The following LRRC27 variants were observed in gnomAD, a reference collection of about 807,000 sequenced individuals.
The protein encoded by LRRC27 is leucine rich repeat containing 27.
Under a neutral mutation model 55.0 loss-of-function variants are expected in LRRC27, and 57 were observed. That is an observed-to-expected ratio of 1.04 (90% confidence interval 0.84 to 1.29). The LOEUF is 1.29. LRRC27 is among the 50% of genes most tolerant of loss of function. The probability of loss-of-function intolerance (pLI) is 0.00; values close to 1 mark genes in which losing one functional copy is unlikely to be tolerated. For missense variants in LRRC27, 721 were observed against 651.5 expected (o/e 1.11, Z -1.16); for synonymous variants, 278 against 251.9 (o/e 1.10, Z -0.98).
rs751318398 is a variant in LRRC27 at position 132,348,246 on chromosome 10, C to G, written c.816C>G (p.His272Gln). 6.2e-7 allele frequency: 1 copy of G among 1,613,874 alleles called. No individual in the cohort carries two copies. Among genetic ancestry groups the G allele is most frequent in the African/African-American group, 1.3e-5 (1 of 74,878 alleles). ...FWKLRQEIVE[H>Q]VKADVLGDQL... ...AGCTGAGGCAGGAGATTGTTGAGCACGTGAAGGCAGACGTTCTGGGAGATC... is the reference window on the plus strand; with the variant it reads ...AGCTGAGGCAGGAGATTGTTGAGCAGGTGAAGGCAGACGTTCTGGGAGATC... Residue 272 changes from histidine to glutamine, a missense_variant, in exon 6 of 11, where the codon CAC becomes CAG. By Grantham distance (24) the His-to-Gln change is conservative (BLOSUM62 0). Transcript: ENST00000368614. The surrounding 1 kb of genome is among the most constrained non-coding windows in gnomAD (Gnocchi z 4.2).
At chr10:132,337,277 G>A in intron 2 of LRRC27, 1 of 1,225,108 alleles carries the variant, frequency 8.2e-7, no homozygotes. Flanking sequence ...CCATGTCAAA[G>A]GCTTTGGGAT....
In LRRC27 at chr10:132,364,486, C is replaced by CCCACAA. The variant is rs1564853678; in HGVS notation, c.1290-938_1290-937insCCACAA. On this transcript the variant is annotated intron_variant, in intron 9 of 10. Coordinates refer to ENST00000368614, the MANE Select transcript of LRRC27 (RefSeq NM_030626.3). Reference sequence around the variant, plus strand: ...CCACCCACACTTACACCCACCCACACTTACACCCACCCTTACATCTACCTC... The same window carrying CCCACAA: ...CCACCCACACTTACACCCACCCACACCCACAATTACACCCACCCTTACATCTACCTC... Among the ~76,000 whole-genome samples the CCCACAA allele has an allele frequency of 1.1e-3, 152 of 141,602 alleles. 23 individuals are homozygous for CCCACAA. Among genetic ancestry groups the CCCACAA allele is most frequent in the African/African-American group, 4.0e-3 (140 of 35,370 alleles). 92.9% of individuals were successfully genotyped at this position (141,602 alleles called of 152,430 possible).
intron 10 of LRRC27, among the ~76,000 whole-genome samples, chr10:132,367,585 A>C (rs1435757934): frequency 6.6e-6 from 1 of 152,248 alleles, no homozygotes; most frequent in Non-Finnish European, 1.5e-5. Context: ...GCAATTCATC[A>C]CATCAGTAAG....
Position 132,353,174 on chromosome 10 carries a change from G to A in LRRC27, c.1073+1421G>A, listed in dbSNP as rs554629012. 167 of 1,420,716 alleles carry A rather than the reference G, an allele frequency of 1.2e-4. No homozygotes were observed. In the Middle Eastern group the frequency reaches 4.2e-3, roughly 36 times the overall value. The allele number at this position is 1,420,716 out of a possible 1,614,324, so 88.0% of individuals were successfully genotyped here. A position where few individuals can be genotyped will look rare whatever the true frequency, so the allele number is the denominator to read the frequency against. On this transcript the variant is annotated intron_variant, in intron 7 of 10. Coordinates refer to ENST00000368614, the MANE Select transcript of LRRC27 (RefSeq NM_030626.3). ...GGGGCCCCCAGCAGGAGGTCGAGGA[G>A]GAAGGGAGAGCGAGGGCCTCGTCTT... is the stretch of plus-strand genomic sequence containing the variant.
chr10:132,364,414 CG>C (rs2068840400), intron 9 of LRRC27, among the ~76,000 whole-genome samples: 3 of 150,334 alleles, frequency 2.0e-5, no homozygotes, highest in Admixed American at 6.6e-5. Flanking sequence ...CCTCCACACC[CG>C]CGCTTACACC....
rs769603261 is a variant in LRRC27 at position 132,351,646 on chromosome 10, C to G, written c.966C>G (p.Leu322=). 17 of 1,614,174 alleles carry G rather than the reference C, an allele frequency of 1.1e-5. No individual in the cohort carries two copies. The highest frequency in any genetic ancestry group is 1.7e-5 in the Admixed American group (1 of 60,028). Residue 322 remains leucine (L), a synonymous_variant, in exon 7 of 11, where the codon CTC becomes CTG. Transcript: ENST00000368614. ...CCTCCAGGAGCATCTTACCCGACCT[C>G]TTGTCACCGTACCAAATGGCGATCC... is the stretch of plus-strand genomic sequence containing the variant. ...TASSRSILPD[L]LSPYQMAIRA...
At position 132,348,094 on chromosome 10, in the gene LRRC27, G is replaced by C; in HGVS notation, c.664G>C (p.Gly222Arg). 1 of 1,614,136 alleles carries C rather than the reference G, an allele frequency of 6.2e-7. No individual in the cohort carries two copies. The highest frequency in any genetic ancestry group is 8.5e-7 in the Non-Finnish European group (1 of 1,180,048). Residue 222 changes from glycine (G) to arginine (R), a missense_variant, in exon 6 of 11, where the codon GGG (glycine) becomes CGG (arginine). Transcript: ENST00000368614. This position sits in a 1 kb window ranked among gnomAD's most constrained non-coding sequence, Gnocchi z 4.2. ...QGAVNAQDPE[G>R]AVMKEKASFL... is the part of the protein sequence containing the mutation. ...AGCTGTGAACGCTCAGGACCCAGAG[G>C]GGGCTGTGATGAAAGAGAAGGCCAG...
chr10:132,338,920 G>A (rs1357888565), intron 3 of LRRC27, among the ~76,000 whole-genome samples: 1 of 152,152 alleles, frequency 6.6e-6, no homozygotes, highest in Non-Finnish European at 1.5e-5. Flanking sequence ...ATGTTGGACA[G>A]GCTGGTCTCA....
At chr10:132,337,823 TA>T in intron 3 of LRRC27, 128 bp downstream of exon 3, 2 of 1,118,400 alleles carry the variant, frequency 1.8e-6, no homozygotes, top group Non-Finnish European at 2.5e-6. Context: ...ATAGTATTTT[TA>T]AAGCCAGCTA....
intron 10 of LRRC27, among the ~76,000 whole-genome samples, chr10:132,371,796 G>A (rs998123720): frequency 1.3e-5 from 2 of 152,218 alleles, no homozygotes; most frequent in African/African-American, 4.8e-5. Context: ...CCGGAGCAGG[G>A]GCAGCCACCT....
At chr10:132,371,019 C>T (rs369798805) in intron 10 of LRRC27, among the ~76,000 whole-genome samples, 1 of 152,368 alleles carries the variant, frequency 6.6e-6, no homozygotes, top group Non-Finnish European at 1.5e-5. Flanking sequence ...ACCAGCCTGC[C>T]GTATGGAGGC....
intron 10 of LRRC27, among the ~76,000 whole-genome samples, chr10:132,371,891 C>T (rs1255319953): frequency 6.6e-6 from 1 of 152,244 alleles, no homozygotes; most frequent in East Asian, 1.9e-4. Flanking sequence ...TCCTCTCAGA[C>T]ACACTGCTCC....
chr10:132,334,201 G>A (rs905133787), intron 2 of LRRC27, among the ~76,000 whole-genome samples: 3 of 152,242 alleles, frequency 2.0e-5, no homozygotes, highest in African/African-American at 7.2e-5. Context: ...TCTAGAGAAA[G>A]CTTCTGTGAG....
intron 10 of LRRC27, among the ~76,000 whole-genome samples, chr10:132,367,414 C>T (rs1175526843): frequency 6.6e-6 from 1 of 152,166 alleles, no homozygotes; most frequent in African/African-American, 2.4e-5. Context: ...GCCAGCATTA[C>T]TCTAATACCA....
chr10:132,343,525 A>G lies in LRRC27; in HGVS notation c.401-973A>G, dbSNP rs183591293. Among the ~76,000 whole-genome samples the G allele has an allele frequency of 1.1e-3, 170 of 152,338 alleles. 1 individual carries two copies. The highest frequency in any genetic ancestry group is 1.9e-3 in the Non-Finnish European group (130 of 68,034). Reference sequence around the variant, plus strand: ...TGTTTGAAGACTAAAAATGGATGACAAGATAATACAGAGTCACTTGCCACA... The same window carrying G: ...TGTTTGAAGACTAAAAATGGATGACGAGATAATACAGAGTCACTTGCCACA... On this transcript the variant is annotated intron_variant, in intron 4 of 10. Transcript: ENST00000368614.
At chr10:132,341,701 G>A (rs969802002) in intron 3 of LRRC27, among the ~76,000 whole-genome samples, 1 of 152,180 alleles carries the variant, frequency 6.6e-6, no homozygotes, top group African/African-American at 2.4e-5. Flanking sequence ...CTGTGCGGTG[G>A]AAGTCTCTCA....
intron 2 of LRRC27, chr10:132,337,353 A>G (rs928572048): frequency 2.3e-5 from 31 of 1,350,940 alleles, no homozygotes; most frequent in African/African-American, 1.2e-4. Context: ...TCCGGCTCCA[A>G]AGGCCGCCGG....
At chr10:132,362,454 G>A (rs976236393) in intron 9 of LRRC27, among the ~76,000 whole-genome samples, 16 of 152,186 alleles carry the variant, frequency 1.1e-4, no homozygotes, top group African/African-American at 3.6e-4. Context: ...TCACGGGGCA[G>A]GACACGCTCC....
At chr10:132,364,338 C>A (rs935503311) in intron 9 of LRRC27, among the ~76,000 whole-genome samples, 1 of 95,694 alleles carries the variant, frequency 1.0e-5, no homozygotes, top group Non-Finnish European at 2.1e-5. Flanking sequence ...ATGACCACAC[C>A]CACACTTAAT....
Sources: gnomAD v4.1 joint callset for allele counts (sites outside exome capture counted in the v4.1 genomes callset) on GRCh38, gnomAD v4.1.1 for gene constraint, Gnocchi (gnomAD v3.1) non-coding constraint, MANE v1.5 for transcripts, NCBI Gene and HGNC (gene_info 2026-07-23, HGNC 2026-07-21) for gene names.